The following FGF7 variants were observed in gnomAD, a reference collection of about 807,000 sequenced individuals.
FGF7 encodes fibroblast growth factor 7, also known as FGF-7.
A neutral mutation model predicts 20.5 loss-of-function variants in FGF7; 6 were observed. That is an observed-to-expected ratio of 0.29 (90% CI 0.16 to 0.58). The LOEUF (loss-of-function observed/expected upper bound fraction) is 0.58, where lower values mean the gene tolerates loss of function less well. Ranked by LOEUF, FGF7 falls within the 20% of genes least tolerant of loss-of-function variation. FGF7 has a pLI of 0.90. For missense variants in FGF7, 144 were observed against 228.8 expected, an observed-to-expected ratio of 0.63 and a Z score of 2.39; for synonymous variants, 64 against 74.7, an observed-to-expected ratio of 0.86 and a Z score of 0.74.
chr15:49,436,488 G>T (rs1317847862), intron 2 of FGF7, among the ~76,000 whole-genome samples: 2 of 151,514 alleles, frequency 1.3e-5, no homozygotes, highest in Non-Finnish European at 3.0e-5. Context: ...TTCCCTCAAT[G>T]AAAACATGGG....
intron 2 of FGF7, among the ~76,000 whole-genome samples, chr15:49,479,911 G>A (rs148871918): frequency 6.6e-4 from 100 of 152,266 alleles, no homozygotes; most frequent in African/African-American, 2.2e-3. Flanking sequence ...ACTGCGCTCC[G>A]CCCATAGTTA....
intron 2 of FGF7, among the ~76,000 whole-genome samples, chr15:49,457,964 C>T (rs1003677522): frequency 1.3e-5 from 2 of 151,780 alleles, no homozygotes; most frequent in Non-Finnish European, 2.9e-5. Context: ...ATTTATCTTT[C>T]GTTAGGCATC....
chr15:49,431,320 T>A (rs1281135764), intron 2 of FGF7, among the ~76,000 whole-genome samples: 3 of 151,834 alleles, frequency 2.0e-5, no homozygotes, highest in African/African-American at 7.2e-5. Context: ...TTTATCTGCA[T>A]TTGAGATTAT....
chr15:49,425,404 A>G (rs1172722131), intron 2 of FGF7: 2 of 152,084 alleles, frequency 1.3e-5, no homozygotes, highest in Non-Finnish European at 2.9e-5. Flanking sequence ...TGAATAACCA[A>G]CTTCAATAGT....
Position 49,450,091 on chromosome 15 carries a change from A to T in FGF7, c.286+25508A>T, listed in dbSNP as rs535338583. Among the ~76,000 whole-genome samples the T allele has an allele frequency of 5.9e-5, 9 of 152,272 alleles. No homozygotes were observed. In the South Asian group the frequency reaches 1.9e-3, roughly 32 times the overall value. ...AAATCCATAAGACTGAGAAGAAACAAATTAAAACGGAGTTGTGGAATAAAC... is the reference window on the plus strand; with the variant it reads ...AAATCCATAAGACTGAGAAGAAACATATTAAAACGGAGTTGTGGAATAAAC... On this transcript the variant is annotated intron_variant, in intron 2 of 3. Transcript: ENST00000267843.
intron 2 of FGF7, among the ~76,000 whole-genome samples, chr15:49,472,378 G>C (rs1225537185): frequency 6.6e-6 from 1 of 152,120 alleles, no homozygotes; most frequent in African/African-American, 2.4e-5. Context: ...GGAATAAAGT[G>C]ATTAAAAGTG....
intron 2 of FGF7, among the ~76,000 whole-genome samples, chr15:49,457,342 C>T (rs1273467861): frequency 6.6e-6 from 1 of 151,742 alleles, no homozygotes; most frequent in Non-Finnish European, 1.5e-5. Context: ...AGGTGGAATC[C>T]ATAGAAAGTG....
intron 2 of FGF7, among the ~76,000 whole-genome samples, chr15:49,441,461 G>A (rs914644451): frequency 2.0e-5 from 3 of 151,718 alleles, no homozygotes; most frequent in Non-Finnish European, 4.4e-5. Context: ...TAAATCATAT[G>A]GTATTGGCCA....
chr15:49,479,738 C>T (rs552432037), intron 2 of FGF7, among the ~76,000 whole-genome samples: 61 of 150,486 alleles, frequency 4.1e-4, no homozygotes, highest in African/African-American at 1.4e-3. Context: ...CTCAGACTAC[C>T]GAGTAACTGG....
At chr15:49,423,852 A>G (rs558326888) in intron 1 of FGF7, among the ~76,000 whole-genome samples, 180 bp from the exon 2 acceptor site, 3 of 151,788 alleles carry the variant, frequency 2.0e-5, no homozygotes, top group Admixed American at 6.6e-5. Flanking sequence ...AAATTTTATA[A>G]ATCTACACAT....
chr15:49,443,629 A>G (rs537914878), intron 2 of FGF7, among the ~76,000 whole-genome samples: 2 of 151,908 alleles, frequency 1.3e-5, no homozygotes, highest in Non-Finnish European at 2.9e-5. Context: ...AATTCAGCAA[A>G]GAAGTCACTC....
intron 2 of FGF7, among the ~76,000 whole-genome samples, chr15:49,440,524 A>C (rs777414175): frequency 5.9e-5 from 9 of 151,812 alleles, no homozygotes; most frequent in Non-Finnish European, 1.0e-4. Flanking sequence ...AAATTATCTA[A>C]AATGAACATA....
chr15:49,476,242 T>TTTTTTTTTTTTTTTTTTTTTTTTTTTTC (rs2055299075), intron 2 of FGF7, among the ~76,000 whole-genome samples: 1 of 149,834 alleles, frequency 6.7e-6, no homozygotes, highest in Non-Finnish European at 1.5e-5. Context: ...GTTTTTTTTT[T>TTTTTTTTTTTTTTTTTTTTTTTTTTTTC]TTTGCATTTG....
chr15:49,458,532 C>T (rs1567315629), intron 2 of FGF7, among the ~76,000 whole-genome samples: 1 of 152,066 alleles, frequency 6.6e-6, no homozygotes, highest in Non-Finnish European at 1.5e-5. Context: ...AGATAATACT[C>T]ACTAGAAGAA....
chr15:49,444,272 G>C (rs929948770), intron 2 of FGF7, among the ~76,000 whole-genome samples: 1 of 151,624 alleles, frequency 6.6e-6, no homozygotes, highest in Non-Finnish European at 1.5e-5. Context: ...CCACAATCCA[G>C]CTATTTAGCC....
intron 2 of FGF7, among the ~76,000 whole-genome samples, chr15:49,479,639 G>A (rs2152004642): frequency 9.8e-6 from 1 of 102,206 alleles, no homozygotes; most frequent in African/African-American, 4.0e-5. Context: ...GTGAAATGGA[G>A]TCTAGCTCTT....
chr15:49,447,521 T>G (rs16962483), intron 2 of FGF7, among the ~76,000 whole-genome samples: 2 of 151,690 alleles, frequency 1.3e-5, no homozygotes, highest in Non-Finnish European at 3.0e-5. Flanking sequence ...TGTGATTTAA[T>G]TACTAAGTCT....
At chr15:49,426,228 T>A (rs1409281269) in intron 2 of FGF7, among the ~76,000 whole-genome samples, 7 of 151,856 alleles carry the variant, frequency 4.6e-5, no homozygotes, top group Non-Finnish European at 8.8e-5. Flanking sequence ...CATGATACTT[T>A]CCAGTTCTTA....
At chr15:49,476,876 G>T (rs1434734932) in intron 2 of FGF7, among the ~76,000 whole-genome samples, 1 of 151,970 alleles carries the variant, frequency 6.6e-6, no homozygotes, top group Non-Finnish European at 1.5e-5. Context: ...TGGCTAACAC[G>T]GTGAAACCTC....
Sources: allele counts gnomAD v4.1 joint callset (sites outside exome capture counted in the v4.1 genomes callset), GRCh38; gene constraint gnomAD v4.1.1; transcripts MANE v1.5; gene names NCBI Gene and HGNC (gene_info 2026-07-23, HGNC 2026-07-21).